ENO4: variants seen among roughly 807,000 people sequenced by gnomAD.
ENO4 encodes the protein enolase 4, also known as 2-phospho-D-glycerate hydro-lyase.
ENO4 carries 53 observed loss-of-function variants against 63.2 expected under a neutral mutation model. That is an observed-to-expected ratio of 0.84 (90% confidence interval 0.67 to 1.05). ENO4 has a LOEUF of 1.05. Ranked by LOEUF, ENO4 falls within the 50% of genes least tolerant of loss-of-function variation. The pLI, the probability that ENO4 is intolerant of heterozygous loss-of-function variation, is 0.00. For synonymous variants in ENO4, 266 were observed against 283.8 expected, an observed-to-expected ratio of 0.94 and a Z score of 0.63; for missense variants, 719 against 772.0, an observed-to-expected ratio of 0.93 and a Z score of 0.81.
At chr10:116,869,217 C>T (rs187643331) in intron 8 of ENO4, among the ~76,000 whole-genome samples, 28 of 152,318 alleles carry the variant, frequency 1.8e-4, no homozygotes, top group Middle Eastern at 3.4e-3. Flanking sequence ...AACCCGTTCG[C>T]TGGCTTCAGG....
intron 6 of ENO4, among the ~76,000 whole-genome samples, chr10:116,862,248 G>A (rs749591067): frequency 6.6e-6 from 1 of 152,164 alleles, no homozygotes; most frequent in Non-Finnish European, 1.5e-5. Flanking sequence ...AGGATGGCCT[G>A]AGGTCAGGAG....
chr10:116,886,553 T>C, downstream of ENO4: 1 of 1,614,098 alleles, frequency 6.2e-7, no homozygotes, highest in South Asian at 1.1e-5. Context: ...CTGCATCCAA[T>C]GCTACTGGGA....
chr10:116,881,477 T>G (rs374425646), intron 13 of ENO4, 38 bp from the exon 14 acceptor site: 1 of 1,459,344 alleles, frequency 6.9e-7, no homozygotes, highest in South Asian at 1.4e-5. Context: ...ACTGGCACCA[T>G]TGGATTAGAC....
chr10:116,906,398 T>C (rs1045608067), intron 10 of ENO4, among the ~76,000 whole-genome samples: 2 of 152,252 alleles, frequency 1.3e-5, no homozygotes, highest in African/African-American at 4.8e-5. Flanking sequence ...AAATCAGATC[T>C]ATAAATGCCT....
At chr10:116,854,693 A>C (rs1846203558) in intron 1 of ENO4, among the ~76,000 whole-genome samples, 1 of 152,078 alleles carries the variant, frequency 6.6e-6, no homozygotes, top group African/African-American at 2.4e-5. Context: ...CTGTAATCCC[A>C]GCACTTTGGA....
intron 10 of ENO4, chr10:116,906,731 G>A: frequency 6.2e-7 from 1 of 1,612,382 alleles, no homozygotes; most frequent in Non-Finnish European, 8.5e-7. Flanking sequence ...TGAACTAGTG[G>A]ATTTGTTAAG....
At chr10:116,890,792 C>A (rs920326335) in intron 10 of ENO4, among the ~76,000 whole-genome samples, 1 of 152,202 alleles carries the variant, frequency 6.6e-6, no homozygotes, top group South Asian at 2.1e-4. Context: ...CCAAACCATA[C>A]TGGTACCAGA....
At chr10:116,900,711 A>C in intron 10 of ENO4, 1 of 984,078 alleles carries the variant, frequency 1.0e-6, no homozygotes, top group Non-Finnish European at 1.2e-6. Context: ...ATGGAGAATG[A>C]ATATAGATCA....
At chr10:116,910,181 C>T (rs1041913529) in intron 10 of ENO4, among the ~76,000 whole-genome samples, 4 of 152,108 alleles carry the variant, frequency 2.6e-5, no homozygotes, top group African/African-American at 9.7e-5. Flanking sequence ...CTCAAAGAAA[C>T]TTCTATGGGG....
chr10:116,854,723 G>C lies in ENO4; in HGVS notation c.166-900G>C, dbSNP rs554737556. ...TTTGGAAGGCTGAGGCGGAAGGATT[G>C]CTTGAGGCCAGGAGTTTGAGACCAG... On this transcript the variant is annotated intron_variant, in intron 1 of 13. Transcript: ENST00000341276. 6.6e-5 allele frequency among the ~76,000 whole-genome samples: 10 copies of C among 151,680 alleles called. No homozygotes were observed. In the East Asian group the frequency reaches 2.0e-3, roughly 30 times the overall value.
intron 10 of ENO4, among the ~76,000 whole-genome samples, chr10:116,903,739 T>A (rs1004468008): frequency 2.6e-5 from 4 of 152,210 alleles, no homozygotes; most frequent in African/African-American, 9.6e-5. Flanking sequence ...CTTTAAACAA[T>A]CTGTCCTTGT....
At chr10:116,896,161 C>T (rs1038579423) in intron 10 of ENO4, among the ~76,000 whole-genome samples, 4 of 152,022 alleles carry the variant, frequency 2.6e-5, no homozygotes, top group Admixed American at 2.0e-4. Context: ...TTGGCATTTC[C>T]CCCGAAAATG....
intron 4 of ENO4, 109 bp downstream of exon 4, chr10:116,859,247 C>A: frequency 7.7e-7 from 1 of 1,299,456 alleles, no homozygotes; most frequent in Non-Finnish European, 1.0e-6. Context: ...CTACTTTGGG[C>A]TCACGGCTAA....
intron 4 of ENO4, 130 bp from the exon 5 acceptor site, chr10:116,860,664 T>C: frequency 1.6e-6 from 1 of 636,758 alleles, no homozygotes; most frequent in Non-Finnish European, 2.3e-6. Context: ...AACAGAAAAC[T>C]TTTTGGGGGT....
intron 10 of ENO4, among the ~76,000 whole-genome samples, chr10:116,905,816 C>G (rs1481651469): frequency 2.0e-5 from 3 of 152,174 alleles, no homozygotes; most frequent in Admixed American, 6.5e-5. Flanking sequence ...TACCTGGTCA[C>G]AAGGGGAAAC....
chr10:116,855,543 A>G, intron 1 of ENO4, 80 bp from the exon 2 acceptor site: 1 of 1,500,530 alleles, frequency 6.7e-7, no homozygotes, highest in Non-Finnish European at 9.0e-7. Context: ...TTTGAAGATA[A>G]AGTAGATATG....
chr10:116,904,571 G>A (rs1388794217), intron 10 of ENO4, among the ~76,000 whole-genome samples: 6 of 151,536 alleles, frequency 4.0e-5, no homozygotes, highest in African/African-American at 1.5e-4. Context: ...ATTTATTAAC[G>A]ATTCTACTGA....
chr10:116,854,504 G>A (rs887627476), intron 1 of ENO4, among the ~76,000 whole-genome samples: 3 of 150,974 alleles, frequency 2.0e-5, no homozygotes, highest in Non-Finnish European at 2.9e-5. Context: ...AGGTTGCGGT[G>A]AGCAGAGATC....
At position 116,889,900 on chromosome 10, in the gene ENO4, T is replaced by C. The variant is rs142708194; in HGVS notation, c.1194+9914T>C. ...TGGCTTGACATCACTAGGTCCACTC[T>C]TGGCTCCCACGGGCAGCTGCCCAAG... On this transcript the variant is annotated intron_variant, in intron 10 of 10. Coordinates refer to the ENO4 transcript ENST00000369207. 1.1e-3 allele frequency among the ~76,000 whole-genome samples: 163 copies of C among 152,324 alleles called. 1 individual carries two copies. Among genetic ancestry groups the C allele is most frequent in the African/African-American group, 3.7e-3 (152 of 41,572 alleles).
Sources: allele counts gnomAD v4.1 joint callset (sites outside exome capture counted in the v4.1 genomes callset), GRCh38; gene constraint gnomAD v4.1.1; transcripts MANE v1.5; gene names NCBI Gene and HGNC (gene_info 2026-07-23, HGNC 2026-07-21).